CEP350: variants seen among roughly 807,000 people sequenced by gnomAD.
The protein encoded by CEP350 is centrosomal protein 350, also known as centrosome-associated protein 350.
Under a neutral mutation model 331.8 loss-of-function variants are expected in CEP350, and 126 were observed. The observed-to-expected ratio is 0.38, with a 90% CI of 0.33 to 0.44. The LOEUF (loss-of-function observed/expected upper bound fraction) is 0.44, where lower values mean the gene tolerates loss of function less well. Among genes scored for constraint, CEP350 ranks in the 20% least tolerant of loss-of-function variants. The pLI is 1.00. For synonymous variants in CEP350, 1,200 were observed against 1,259.5 expected, an observed-to-expected ratio of 0.95 and a Z score of 1.00; for missense variants, 3,406 against 3,634.6, an observed-to-expected ratio of 0.94 and a Z score of 1.62.
intron 37 of CEP350, among the ~76,000 whole-genome samples, chr1:180,103,831 C>T (rs986158634): frequency 2.0e-5 from 3 of 151,580 alleles, no homozygotes; most frequent in East Asian, 1.9e-4. Context: ...ATAGCGCTTG[C>T]CCCTCTTTTA....
At chr1:180,054,368 G>T in intron 24 of CEP350, 47 bp from the exon 25 acceptor site, 1 of 1,413,246 alleles carries the variant, frequency 7.1e-7, no homozygotes, top group Non-Finnish European at 9.8e-7. Context: ...ATTCAGGTAA[G>T]AGAAATTTAA....
At chr1:180,005,185 A>C (rs1013795630) in intron 7 of CEP350, among the ~76,000 whole-genome samples, 18 of 150,994 alleles carry the variant, frequency 1.2e-4, no homozygotes, top group Non-Finnish European at 4.4e-5. Context: ...TTTAGCCCAC[A>C]CTTCCCCTCT....
At chr1:180,022,080 A>G (rs1044724370) in intron 12 of CEP350, among the ~76,000 whole-genome samples, 3 of 152,120 alleles carry the variant, frequency 2.0e-5, no homozygotes, top group Non-Finnish European at 2.9e-5. Context: ...TGGGTATCAC[A>G]TTGCTTTTTC....
intron 31 of CEP350, chr1:180,085,540 T>G (rs1038038934): frequency 6.6e-6 from 1 of 152,084 alleles, no homozygotes; most frequent in East Asian, 1.9e-4. Context: ...ATTACACACA[T>G]TCTGCCAGCC....
Position 180,084,118 on chromosome 1 carries a change from GA to G in CEP350, c.6232del (p.Arg2078GlyfsTer6), listed in dbSNP as rs759430139. On this transcript the variant is annotated frameshift_variant, in exon 31 of 38. Coordinates refer to ENST00000367607, the MANE Select transcript of CEP350 (RefSeq NM_014810.5). LOFTEE classifies it high-confidence loss of function. ...SVVNQLKKEQKKRQKERLKAQ... is the reference protein window; with the variant it reads ...SVVNQLKKEQXKRQKERLKAQ... ...TTGTGAACCAGCTGAAGAAGGAACA[GA>G]AAAAAAGGCAAAAGGAAAGACTGAA... The G allele has an allele frequency of 6.9e-6, 11 of 1,589,338 alleles. No homozygotes were observed. The highest frequency in any genetic ancestry group is 5.7e-5 in the South Asian group (5 of 86,992).
chr1:180,074,014 G>T, intron 27 of CEP350: 1 of 1,010,206 alleles, frequency 9.9e-7, no homozygotes, highest in Non-Finnish European at 1.3e-6. Flanking sequence ...TAATAGCCTG[G>T]AGGCCTCTTA....
chr1:179,976,195 G>T (rs780253601), intron 1 of CEP350, among the ~76,000 whole-genome samples: 13 of 151,304 alleles, frequency 8.6e-5, no homozygotes, highest in Non-Finnish European at 1.8e-4. Context: ...TGTTTAAATT[G>T]TTCTAAGACT....
intron 9 of CEP350, among the ~76,000 whole-genome samples, chr1:180,012,715 A>G (rs1265485986): frequency 6.6e-6 from 1 of 152,160 alleles, no homozygotes; most frequent in Non-Finnish European, 1.5e-5. Context: ...AATTTCTGGA[A>G]TGGATTCAGT....
intron 4 of CEP350, 124 bp from the exon 5 acceptor site, chr1:179,991,938 T>G: frequency 1.2e-6 from 1 of 866,370 alleles, no homozygotes; most frequent in Non-Finnish European, 1.6e-6. Context: ...ATACTAGAGA[T>G]AACTTATATA....
intron 14 of CEP350, among the ~76,000 whole-genome samples, chr1:180,029,618 T>C (rs1410230667): frequency 6.6e-6 from 1 of 152,190 alleles, no homozygotes; most frequent in Non-Finnish European, 1.5e-5. Flanking sequence ...GCAATAACTC[T>C]CCATTCCTCC....
chr1:180,002,524 AAAAT>A, intron 6 of CEP350, among the ~76,000 whole-genome samples: 1 of 152,108 alleles, frequency 6.6e-6, no homozygotes, highest in East Asian at 1.9e-4. Flanking sequence ...TAGCTAAGGT[AAAAT>A]AAATAAAATA....
chr1:180,084,266 G>A, intron 31 of CEP350, 88 bp downstream of exon 31: 1 of 1,222,494 alleles, frequency 8.2e-7, no homozygotes, highest in South Asian at 2.6e-5. Context: ...TAAAGTAATG[G>A]ATTAGGATTC....
In CEP350 at chr1:179,996,534, T is replaced by A; in HGVS notation, c.396-19T>A. 1 of 1,505,178 alleles carries A rather than the reference T, an allele frequency of 6.6e-7. No homozygotes were observed. The highest frequency in any genetic ancestry group is 9.0e-7 in the Non-Finnish European group (1 of 1,114,538). 93.2% of individuals were successfully genotyped at this position (1,505,178 alleles called of 1,614,324 possible). On this transcript the variant is annotated intron_variant, in intron 5 of 37. Transcript: ENST00000367607. Reference sequence around the variant, plus strand: ...ATATTATTAATCATAGTCACAGAGCTTATTATTTTTTATTGTAGGGAAATC... The same window carrying A: ...ATATTATTAATCATAGTCACAGAGCATATTATTTTTTATTGTAGGGAAATC...
At chr1:180,107,611 T>A (rs892660906) in intron 37 of CEP350, among the ~76,000 whole-genome samples, 2 of 152,184 alleles carry the variant, frequency 1.3e-5, no homozygotes, top group African/African-American at 4.8e-5. Flanking sequence ...GAGGTTGCAG[T>A]GAGCCGAGAT....
Position 180,112,281 on chromosome 1 carries a change from AC to A in CEP350, c.*1121del, listed in dbSNP as rs1252344334. ...AGCTTCTATGGTTCATAGTCTTTGC[AC>A]AGGAACCTGTGGTTTTAACAAACCA... On this transcript the variant is annotated 3_prime_UTR_variant, in exon 38 of 38. Coordinates refer to ENST00000367607, the MANE Select transcript of CEP350 (RefSeq NM_014810.5). 4 of 152,610 alleles carry A rather than the reference AC, an allele frequency of 2.6e-5. No homozygotes were observed. Among genetic ancestry groups the A allele is most frequent in the African/African-American group, 9.6e-5 (4 of 41,472 alleles). The allele number at this position is 152,610 out of a possible 1,614,324, so 9.5% of individuals were successfully genotyped here. A position where few individuals can be genotyped will look rare whatever the true frequency, so the allele number is the denominator to read the frequency against.
chr1:180,097,808 G>A (rs889221833), intron 36 of CEP350, among the ~76,000 whole-genome samples: 5 of 152,108 alleles, frequency 3.3e-5, no homozygotes, highest in African/African-American at 1.2e-4. Context: ...ACATATTTGA[G>A]TTTTGGTGCT....
At chr1:180,085,119 T>A (rs1659789504) in intron 31 of CEP350, among the ~76,000 whole-genome samples, 1 of 149,966 alleles carries the variant, frequency 6.7e-6, no homozygotes, top group African/African-American at 2.4e-5. Flanking sequence ...CCCTTTCCCT[T>A]TCCCTTCCCC....
intron 6 of CEP350, among the ~76,000 whole-genome samples, chr1:179,998,394 T>A: frequency 6.6e-6 from 1 of 150,564 alleles, no homozygotes; most frequent in East Asian, 2.0e-4. Context: ...CTGCAACCTC[T>A]GCCTCCCAGA....
Position 180,092,891 on chromosome 1 carries a change from G to T in CEP350, c.6786G>T (p.Glu2262Asp), listed in dbSNP as rs1339328966. The T allele has an allele frequency of 1.9e-6, 3 of 1,569,850 alleles. No homozygotes were observed. Among genetic ancestry groups the T allele is most frequent in the Non-Finnish European group, 2.6e-6 (3 of 1,155,964 alleles). ...AAAAATCAGAAATAAAAGAAATAGAGTATACAAAATTGAAGAAGAGTAAGA... is the reference window on the plus strand; with the variant it reads ...AAAAATCAGAAATAAAAGAAATAGATTATACAAAATTGAAGAAGAGTAAGA... ...SSKKSEIKEI[E>D]YTKLKKSKIE... The change falls in exon 34 of 38, where the codon GAG becomes GAT. Residue 2262 changes from glutamate to aspartate, a missense_variant. By Grantham distance (45) the Glu-to-Asp change is conservative. This residue lies in a region of CEP350 where 1,415 missense variants were observed against 1,512.3 expected (regional missense o/e 0.94). Transcript: ENST00000367607.
Sources: gnomAD v4.1 joint callset for allele counts (sites outside exome capture counted in the v4.1 genomes callset) on GRCh38, gnomAD v4.1.1 for gene constraint, gnomAD v4.1.1 regional missense constraint, MANE v1.5 for transcripts, NCBI Gene and HGNC (gene_info 2026-07-23, HGNC 2026-07-21) for gene names.